TOX2: variants seen among roughly 807,000 people sequenced by gnomAD.
TOX2 encodes granulosa cell HMG box 1.
Under a neutral mutation model 47.4 loss-of-function variants are expected in TOX2, and 15 were observed. That is an observed-to-expected ratio of 0.32 (90% CI 0.21 to 0.49). TOX2 has a LOEUF of 0.49. Among genes scored for constraint, TOX2 ranks in the 20% least tolerant of loss-of-function variants. TOX2 has a pLI of 0.99. For synonymous variants in TOX2, 290 were observed against 296.6 expected, an observed-to-expected ratio of 0.98 and a Z score of 0.23; for missense variants, 622 against 673.1, an observed-to-expected ratio of 0.92 and a Z score of 0.84.
chr20:44,036,985 C>T (rs950599613), intron 3 of TOX2, among the ~76,000 whole-genome samples: 2 of 152,148 alleles, frequency 1.3e-5, no homozygotes, highest in Non-Finnish European at 1.5e-5. Context: ...GATGGATTCT[C>T]GCTCTGTCGC....
intron 1 of TOX2, among the ~76,000 whole-genome samples, chr20:43,939,774 A>C (rs1435210226): frequency 6.6e-6 from 1 of 152,182 alleles, no homozygotes; most frequent in Non-Finnish European, 1.5e-5. Flanking sequence ...TCATTTTGCT[A>C]GATTGTCTAA....
chr20:44,012,121 GTTGA>G (rs2070786507), intron 3 of TOX2, among the ~76,000 whole-genome samples: 1 of 152,204 alleles, frequency 6.6e-6, no homozygotes, highest in Non-Finnish European at 1.5e-5. Context: ...TTTATCCTGT[GTTGA>G]TTGTCTCATT....
chr20:43,968,792 A>G (rs2069907555), intron 1 of TOX2, among the ~76,000 whole-genome samples: 1 of 152,256 alleles, frequency 6.6e-6, no homozygotes, highest in South Asian at 2.1e-4. Context: ...AATCTATTCC[A>G]GTCACTGGTA....
At chr20:44,025,235 C>T (rs991743125) in intron 3 of TOX2, among the ~76,000 whole-genome samples, 4 of 151,970 alleles carry the variant, frequency 2.6e-5, no homozygotes, top group Admixed American at 2.6e-4. Flanking sequence ...GAGAAGTTTC[C>T]CTTGGATGCG....
At chr20:43,963,758 C>T (rs1035350653) in intron 1 of TOX2, among the ~76,000 whole-genome samples, 1 of 152,130 alleles carries the variant, frequency 6.6e-6, no homozygotes, top group East Asian at 1.9e-4. Context: ...TGGGAAAAAT[C>T]GGCCCTGGCA....
chr20:44,014,073 T>C (rs1358807635), intron 3 of TOX2, among the ~76,000 whole-genome samples: 1 of 131,506 alleles, frequency 7.6e-6, no homozygotes, highest in Non-Finnish European at 1.5e-5. Context: ...AAGGTTGCAG[T>C]GAGCCAAGAT....
At position 44,065,695 on chromosome 20, in the gene TOX2, T is replaced by C. The variant is rs371720633; in HGVS notation, c.961-17T>C. ...CCCTCTTCTGTTCTCCAGTGACTGA[T>C]ATCTGTCTCCTTCCAGAGCTCCCCA... is the stretch of plus-strand genomic sequence containing the variant. On this transcript the variant is annotated splice_polypyrimidine_tract_variant and intron_variant, in intron 6 of 8. Transcript: ENST00000341197. The C allele has an allele frequency of 9.0e-6, 14 of 1,560,456 alleles. No homozygotes were observed. Among genetic ancestry groups the C allele is most frequent in the African/African-American group, 1.4e-5 (1 of 74,040 alleles).
At chr20:43,949,766 A>G (rs1416771861) in intron 1 of TOX2, among the ~76,000 whole-genome samples, 2 of 152,102 alleles carry the variant, frequency 1.3e-5, no homozygotes, top group Non-Finnish European at 2.9e-5. Flanking sequence ...AGCCGCAACT[A>G]TCAGAGCCAG....
chr20:44,029,818 C>T (rs1442429045), intron 3 of TOX2, among the ~76,000 whole-genome samples: 1 of 152,174 alleles, frequency 6.6e-6, no homozygotes, highest in East Asian at 1.9e-4. Flanking sequence ...ATTTCCTCCC[C>T]TCCCATTTGC....
chr20:44,019,855 T>A (rs1055945177), intron 3 of TOX2, among the ~76,000 whole-genome samples: 3 of 152,182 alleles, frequency 2.0e-5, no homozygotes, highest in African/African-American at 7.2e-5. Flanking sequence ...ACCTGTTGAA[T>A]GGACAAAACC....
chr20:43,933,827 G>T (rs1002800852), intron 1 of TOX2, among the ~76,000 whole-genome samples: 1 of 152,144 alleles, frequency 6.6e-6, no homozygotes, highest in African/African-American at 2.4e-5. Flanking sequence ...AGCCCCCGGG[G>T]TGTGGGTGCA....
chr20:43,981,906 T>A (rs1377201150), intron 2 of TOX2, among the ~76,000 whole-genome samples: 1 of 151,254 alleles, frequency 6.6e-6, no homozygotes, highest in Non-Finnish European at 1.5e-5. Flanking sequence ...CCGAGCTCAA[T>A]GAGATGAAGA....
rs147777625 is a variant in TOX2, at chr20:44,026,978, T to A, written c.411+20186T>A. ...GCCACTTCAACACAGGCAACACTTT[T>A]CTCGAGAGTTCATAAAAACATGTAA... is the stretch of plus-strand genomic sequence containing the variant. On this transcript the variant is annotated intron_variant, in intron 3 of 8. Transcript: ENST00000341197. 3.9e-4 allele frequency among the ~76,000 whole-genome samples: 60 copies of A among 152,272 alleles called. 2 individuals are homozygous for A. The East Asian group carries it at 0.012, about 29-fold the overall frequency.
At position 43,943,746 on chromosome 20, in the gene TOX2, A is replaced by G. The variant is rs151212459; in HGVS notation, c.99+28756A>G. ...TGACAATCAATTATACCTTTCACTTATCTCTTGTTTCTGATGAACAAGTTT... is the reference window on the plus strand; with the variant it reads ...TGACAATCAATTATACCTTTCACTTGTCTCTTGTTTCTGATGAACAAGTTT... On this transcript the variant is annotated intron_variant, in intron 1 of 8. Transcript: ENST00000341197. Among the ~76,000 whole-genome samples, 7 of 152,356 alleles carry G rather than the reference A, an allele frequency of 4.6e-5. No homozygotes were observed. The East Asian group carries it at 1.3e-3, about 29-fold the overall frequency.
At chr20:43,937,158 G>A (rs1005944215) in intron 1 of TOX2, among the ~76,000 whole-genome samples, 1 of 152,176 alleles carries the variant, frequency 6.6e-6, no homozygotes, top group African/African-American at 2.4e-5. Flanking sequence ...CTAGATGATG[G>A]GCACGGGGGA....
chr20:44,044,348 C>A, intron 3 of TOX2, among the ~76,000 whole-genome samples: 1 of 151,340 alleles, frequency 6.6e-6, no homozygotes, highest in Non-Finnish European at 1.5e-5. Flanking sequence ...ATGGGTGCAG[C>A]ACACCAACAA....
chr20:44,008,671 A>G (rs939302580), intron 3 of TOX2, among the ~76,000 whole-genome samples: 2 of 152,162 alleles, frequency 1.3e-5, no homozygotes, highest in African/African-American at 4.8e-5. Context: ...AGGGAATTCT[A>G]TTGCTTCTTC....
At chr20:43,917,352 T>C (rs1050528789) in intron 1 of TOX2, among the ~76,000 whole-genome samples, 33 of 152,242 alleles carry the variant, frequency 2.2e-4, no homozygotes, top group African/African-American at 7.7e-4. Flanking sequence ...ATGCCCAAGC[T>C]CCACCTTTAC....
intron 2 of TOX2, among the ~76,000 whole-genome samples, chr20:43,978,838 G>T (rs958743432): frequency 2.0e-5 from 3 of 151,256 alleles, no homozygotes; most frequent in African/African-American, 7.3e-5. Context: ...CATCAGATTT[G>T]CAGTCTTAAA....
Sources: allele counts gnomAD v4.1 joint callset (sites outside exome capture counted in the v4.1 genomes callset), GRCh38; gene constraint gnomAD v4.1.1; transcripts MANE v1.5; gene names NCBI Gene and HGNC (gene_info 2026-07-23, HGNC 2026-07-21).